DMD: variants seen among roughly 807,000 people sequenced by gnomAD.
The protein encoded by DMD is mutant dystrophin.
A neutral mutation model predicts 330.1 loss-of-function variants in DMD; 63 were observed. The observed-to-expected ratio is 0.19, with a 90% CI of 0.16 to 0.24. The LOEUF is 0.24. Ranked by LOEUF, DMD falls within the 10% of genes least tolerant of loss-of-function variation. DMD has a pLI of 1.00. For synonymous variants in DMD, 1,223 were observed against 959.8 expected (o/e 1.27, Z -5.07); for missense variants, 3,344 against 2,684.1 (o/e 1.25, Z -5.43).
intron 7 of DMD, among the ~76,000 whole-genome samples, chrX:32,758,875 G>A (rs975718855): frequency 3.2e-4 from 36 of 111,472 alleles, no homozygotes; most frequent in African/African-American, 8.1e-4. Flanking sequence ...CCAAATAGGC[G>A]TCCACAAACA....
At chrX:31,641,626 T>C (rs1034469315) in intron 54 of DMD, among the ~76,000 whole-genome samples, 4 of 111,672 alleles carry the variant, frequency 3.6e-5, no homozygotes, top group Admixed American at 9.5e-5. Flanking sequence ...TGAGTCTTGT[T>C]ATTCCCAAAC....
At chrX:31,155,960 A>G (rs759224053) in intron 74 of DMD, among the ~76,000 whole-genome samples, 247 of 110,376 alleles carry the variant, frequency 2.2e-3, no homozygotes, top group Non-Finnish European at 3.1e-3. Flanking sequence ...ATGCCACTGC[A>G]CTCCAAGCTG....
intron 45 of DMD, among the ~76,000 whole-genome samples, chrX:31,958,650 G>A (rs893626196): frequency 1.8e-5 from 2 of 111,546 alleles, no homozygotes; most frequent in African/African-American, 6.5e-5. Context: ...TGGTTAATGT[G>A]TACTCTGGGA....
At chrX:33,082,966 G>T (rs1240662030) in intron 1 of DMD, among the ~76,000 whole-genome samples, 2 of 112,020 alleles carry the variant, frequency 1.8e-5, no homozygotes, top group Non-Finnish European at 3.8e-5. Context: ...GCTAAGATTA[G>T]TCTCACAAAT....
intron 50 of DMD, among the ~76,000 whole-genome samples, chrX:31,786,303 T>C (rs1355722131): frequency 8.9e-6 from 1 of 111,961 alleles, no homozygotes; most frequent in Non-Finnish European, 1.9e-5. Context: ...GGGTTGTTTG[T>C]TTTTTTCTTG....
At chrX:32,793,016 G>A (rs746772516) in intron 7 of DMD, among the ~76,000 whole-genome samples, 1 of 111,868 alleles carries the variant, frequency 8.9e-6, no homozygotes, top group Non-Finnish European at 1.9e-5. Flanking sequence ...TTTCTCATAA[G>A]CACACAGAAC....
chrX:31,119,634 A>AAAAC lies in DMD; in HGVS notation c.*2281_*2284dup, dbSNP rs1396602682. 1.8e-5 allele frequency: 2 copies of AAAAC among 112,632 alleles called. No homozygotes were observed. Among genetic ancestry groups the AAAAC allele is most frequent in the Non-Finnish European group, 3.8e-5 (2 of 53,199 alleles). The allele number at this position is 112,632 out of a possible 1,213,427, so 9.3% of individuals were successfully genotyped here. ...TGTCTAAAAGAAAAACAAAAAGATTAAAACAAAATTATTTATGCACTCTAT... is the reference window on the plus strand; with the variant it reads ...TGTCTAAAAGAAAAACAAAAAGATTAAAACAAACAAAATTATTTATGCACTCTAT... On this transcript the variant is annotated 3_prime_UTR_variant, in exon 79 of 79. Coordinates refer to ENST00000357033, the MANE Select transcript of DMD (RefSeq NM_004006.3).
intron 2 of DMD, among the ~76,000 whole-genome samples, chrX:33,009,411 T>C (rs1447605305): frequency 1.1e-5 from 1 of 92,312 alleles, no homozygotes; most frequent in Non-Finnish European, 2.2e-5. Context: ...TATGTGTATA[T>C]ACACATGTGT....
At chrX:31,590,057 GTA>G (rs2076800542) in intron 55 of DMD, among the ~76,000 whole-genome samples, 1 of 111,019 alleles carries the variant, frequency 9.0e-6, no homozygotes. Context: ...GACAGATAAT[GTA>G]TATAGGTATG....
intron 45 of DMD, among the ~76,000 whole-genome samples, chrX:31,956,028 G>A (rs1382906353): frequency 8.9e-6 from 1 of 112,066 alleles, no homozygotes; most frequent in Non-Finnish European, 1.9e-5. Flanking sequence ...TGACATACAA[G>A]CTAAAGTGTT....
intron 4 of DMD, among the ~76,000 whole-genome samples, chrX:32,839,730 ATTT>A (rs61327287): frequency 1.9e-5 from 2 of 103,903 alleles, no homozygotes; most frequent in African/African-American, 3.5e-5. Context: ...AAGATAATGC[ATTT>A]TTTTTTTTTC....
At chrX:33,138,192 C>T (rs779973462) in intron 1 of DMD, among the ~76,000 whole-genome samples, 2 of 111,947 alleles carry the variant, frequency 1.8e-5, no homozygotes, top group South Asian at 3.7e-4. Flanking sequence ...TTGAGTCTGT[C>T]CTTTTAACCA....
At chrX:32,803,722 A>C (rs1325526241) in intron 7 of DMD, among the ~76,000 whole-genome samples, 4 of 112,161 alleles carry the variant, frequency 3.6e-5, no homozygotes, top group Non-Finnish European at 7.5e-5. Flanking sequence ...TTATTTACCC[A>C]GTAGTCACCC....
chrX:32,583,743 T>A (rs1050193643), intron 13 of DMD: 14 of 112,206 alleles, frequency 1.2e-4, no homozygotes, highest in African/African-American at 4.6e-4. Flanking sequence ...TATTCTACAG[T>A]GCCAACTTGT....
intron 54 of DMD, among the ~76,000 whole-genome samples, chrX:31,628,915 C>CATATATATATATATATATATATATAT (rs10524146): frequency 1.5e-3 from 120 of 82,677 alleles, no homozygotes; most frequent in Non-Finnish European, 2.0e-3. Flanking sequence ...TATTTTTGAT[C>CATATATATATATATATATATATATAT]ATATATATAT....
intron 44 of DMD, among the ~76,000 whole-genome samples, chrX:32,193,415 T>C (rs2096984525): frequency 8.9e-6 from 1 of 112,105 alleles, no homozygotes; most frequent in East Asian, 2.8e-4. Flanking sequence ...TTTCAGGGAT[T>C]GGACGTTCAT....
chrX:32,369,260 C>T (rs753902754), intron 34 of DMD, among the ~76,000 whole-genome samples: 63 of 111,717 alleles, frequency 5.6e-4, no homozygotes, highest in African/African-American at 2.0e-3. Flanking sequence ...GTAAATGCTA[C>T]TCTAATTTCC....
chrX:31,758,958 T>C (rs370935825), intron 51 of DMD, among the ~76,000 whole-genome samples: 2 of 112,030 alleles, frequency 1.8e-5, no homozygotes, highest in East Asian at 5.6e-4. Context: ...TAAAACATGC[T>C]TTTTAAATTC....
At chrX:33,157,238 G>A (rs1170615790) in intron 1 of DMD, among the ~76,000 whole-genome samples, 1 of 111,129 alleles carries the variant, frequency 9.0e-6, no homozygotes, top group Non-Finnish European at 1.9e-5. Flanking sequence ...TCTGTTCCGT[G>A]CCTCTTTCTT....
Sources: gnomAD v4.1 joint callset for allele counts (sites outside exome capture counted in the v4.1 genomes callset) on GRCh38, gnomAD v4.1.1 for gene constraint, MANE v1.5 for transcripts, NCBI Gene and HGNC (gene_info 2026-07-23, HGNC 2026-07-21) for gene names.